The following ITIH1 variants were observed in gnomAD, a reference collection of about 807,000 sequenced individuals.
ITIH1 encodes the protein inter-alpha-trypsin inhibitor heavy chain 1.
ITIH1 carries 94 observed loss-of-function variants against 104.6 expected under a neutral mutation model. That is an observed-to-expected ratio of 0.90 (90% CI 0.76 to 1.07). The LOEUF (loss-of-function observed/expected upper bound fraction) is 1.07, where lower values mean the gene tolerates loss of function less well. Among genes scored for constraint, ITIH1 ranks in the 50% least tolerant of loss-of-function variants. The pLI is 0.00. For missense variants in ITIH1, 1,193 were observed against 1,181.4 expected, an observed-to-expected ratio of 1.01 and a Z score of -0.14; for synonymous variants, 455 against 464.4, an observed-to-expected ratio of 0.98 and a Z score of 0.26.
intron 6 of ITIH1, among the ~76,000 whole-genome samples, chr3:52,780,988 C>A (rs191481369): frequency 6.0e-4 from 92 of 152,318 alleles, no homozygotes; most frequent in Non-Finnish European, 9.4e-4. Flanking sequence ...AGAGCCTGCA[C>A]CACAATTCAT....
chr3:52,787,511 G>A, intron 15 of ITIH1, 81 bp from the exon 16 acceptor site: 2 of 1,552,698 alleles, frequency 1.3e-6, no homozygotes, highest in East Asian at 4.5e-5. Context: ...GCCCAGGCCT[G>A]TTGTGGACAG....
In ITIH1 at chr3:52,783,293, C is replaced by T; in HGVS notation, c.1179C>T (p.Asn393=). Reference sequence around the variant, plus strand: ...AGGAAAGCCTCCCAGAACTCAGCAACCATGCCTCAATACTCATCATGTTGA... The same window carrying T: ...AGGAAAGCCTCCCAGAACTCAGCAATCATGCCTCAATACTCATCATGTTGA... ...QVQESLPELS[N]HASILIMLTD... is the part of the protein sequence containing the mutation. Residue 393 remains asparagine (N), a synonymous_variant, in exon 10 of 22, where the codon AAC becomes AAT. Transcript: ENST00000273283. 1 of 1,614,136 alleles carries T rather than the reference C, an allele frequency of 6.2e-7. No homozygotes were observed. The highest frequency in any genetic ancestry group is 1.1e-5 in the South Asian group (1 of 91,074).
Position 52,779,339 on chromosome 3 carries a change from G to T in ITIH1, c.411-93G>T, listed in dbSNP as rs1698980756. Reference sequence around the variant, plus strand: ...ACCTGGGAGCAACACTCATCTAAGAGAAATAAATTCTGTGGGCCACATGTT... The same window carrying T: ...ACCTGGGAGCAACACTCATCTAAGATAAATAAATTCTGTGGGCCACATGTT... On this transcript the variant is annotated intron_variant, in intron 4 of 21. Transcript: ENST00000273283. This position sits in a 1 kb window ranked among gnomAD's most constrained non-coding sequence, Gnocchi z 4.4. 1.5e-6 allele frequency: 2 copies of T among 1,361,618 alleles called. No homozygotes were observed. The highest frequency in any genetic ancestry group is 2.1e-6 in the Non-Finnish European group (2 of 956,322). The allele number at this position is 1,361,618 out of a possible 1,614,324, so 84.3% of individuals were successfully genotyped here.
intron 6 of ITIH1, among the ~76,000 whole-genome samples, chr3:52,781,606 A>G (rs903961238): frequency 3.3e-5 from 5 of 152,006 alleles, no homozygotes; most frequent in Admixed American, 6.6e-5. Flanking sequence ...TTCTCACCAC[A>G]GTATTGTAGT....
chr3:52,791,502 A>G lies in ITIH1; in HGVS notation c.2495-15A>G, dbSNP rs753321099. Reference sequence around the variant, plus strand: ...CCCCGAGATGGTAACCGCTGTCTCCAATGTGCCTTTCTAGGGCAATTTTTC... The same window carrying G: ...CCCCGAGATGGTAACCGCTGTCTCCGATGTGCCTTTCTAGGGCAATTTTTC... On this transcript the variant is annotated splice_polypyrimidine_tract_variant and intron_variant, in intron 20 of 21. Coordinates refer to ENST00000273283, the MANE Select transcript of ITIH1 (RefSeq NM_002215.4). 1.7e-5 allele frequency: 27 copies of G among 1,605,612 alleles called. No individual in the cohort carries two copies. Among genetic ancestry groups the G allele is most frequent in the Non-Finnish European group, 2.2e-5 (26 of 1,172,630 alleles).
chr3:52,789,935 T>G, intron 19 of ITIH1, 81 bp downstream of exon 19: 2 of 1,404,432 alleles, frequency 1.4e-6, no homozygotes, highest in Non-Finnish European at 2.0e-6. Context: ...AGGGCCCTCG[T>G]CCCTGAGCCA....
chr3:52,779,271 T>A lies in ITIH1; in HGVS notation c.411-161T>A, dbSNP rs911052438. Among the ~76,000 whole-genome samples the A allele has an allele frequency of 6.6e-6, 1 of 152,226 alleles. No individual in the cohort carries two copies. The highest frequency in any genetic ancestry group is 2.4e-5 in the African/African-American group (1 of 41,468). Reference sequence around the variant, plus strand: ...AGTGGGCCCCCGCCATCTTGGGCCCTGACCCTGACCAGCCAGCTAACACAT... The same window carrying A: ...AGTGGGCCCCCGCCATCTTGGGCCCAGACCCTGACCAGCCAGCTAACACAT... On this transcript the variant is annotated intron_variant, in intron 4 of 21. Coordinates refer to ENST00000273283, the MANE Select transcript of ITIH1 (RefSeq NM_002215.4). The surrounding 1 kb of genome is among the most constrained non-coding windows in gnomAD (Gnocchi z 4.4).
rs753614767 is a variant in ITIH1, at chr3:52,779,683, A to G, written c.573+89A>G. On this transcript the variant is annotated intron_variant, in intron 5 of 21. Coordinates refer to ENST00000273283, the MANE Select transcript of ITIH1 (RefSeq NM_002215.4). This position sits in a 1 kb window ranked among gnomAD's most constrained non-coding sequence, Gnocchi z 4.4. ...GGTTGAGCACCCACCATGTGTCACC[A>G]CCCAGGCCTGAGAACACAGGGATGG... The G allele has an allele frequency of 1.9e-5, 28 of 1,479,392 alleles. No individual in the cohort carries two copies. The highest frequency in any genetic ancestry group is 2.3e-5 in the Non-Finnish European group (24 of 1,059,698). 91.6% of individuals were successfully genotyped at this position (1,479,392 alleles called of 1,614,324 possible).
chr3:52,777,829 C>G, intron 1 of ITIH1, 97 bp downstream of exon 1: 1 of 1,349,554 alleles, frequency 7.4e-7, no homozygotes, highest in South Asian at 1.2e-5. Flanking sequence ...CAGGGTCACC[C>G]CCACCACCTC....
chr3:52,788,393 C>T, intron 18 of ITIH1, 48 bp downstream of exon 18: 1 of 1,217,728 alleles, frequency 8.2e-7, no homozygotes, highest in African/African-American at 1.5e-5. Context: ...GGCTCCTCTG[C>T]CCTCAACATT....
chr3:52,788,562 C>CTTTTTTT (rs375504966), intron 18 of ITIH1, among the ~76,000 whole-genome samples: 1 of 139,624 alleles, frequency 7.2e-6, no homozygotes, highest in Non-Finnish European at 1.5e-5. Context: ...CACACAGGGG[C>CTTTTTTT]TTTTTTTTTT....
chr3:52,790,792 G>A lies in ITIH1; in HGVS notation c.2365G>A (p.Val789Met), dbSNP rs1559466656. 6.2e-6 allele frequency: 10 copies of A among 1,613,170 alleles called. No individual in the cohort carries two copies. In the East Asian group the frequency reaches 1.6e-4, roughly 25 times the overall value. Residue 789 changes from valine (V) to methionine (M), a missense_variant, in exon 20 of 22, where the codon GTG (valine) becomes ATG (methionine). By Grantham distance (21) the Val-to-Met change is conservative. Transcript: ENST00000273283. ...INKKRNLVVS[V>M]DDGGTFEVVL... ...CAAGAAGAGGAACCTGGTGGTGTCT[G>A]TGGACGACGGTGGCACCTTTGAGGT...
At chr3:52,790,942 A>C in intron 20 of ITIH1, 21 bp downstream of exon 20, 38 of 1,586,254 alleles carry the variant, frequency 2.4e-5, no homozygotes, top group Non-Finnish European at 3.2e-5. Flanking sequence ...CCAGGCTGGC[A>C]GGGCTGTGGG....
chr3:52,791,744 G>C, intron 21 of ITIH1, 38 bp from the exon 22 acceptor site: 3 of 1,606,960 alleles, frequency 1.9e-6, no homozygotes, highest in Non-Finnish European at 2.6e-6. Flanking sequence ...TGCCCTACTG[G>C]TCCGAAGGGT....
intron 3 of ITIH1, 186 bp from the exon 4 acceptor site, chr3:52,778,756 A>G: frequency 7.9e-7 from 1 of 1,273,474 alleles, no homozygotes; most frequent in Non-Finnish European, 1.1e-6. Context: ...CCAGAGTCTG[A>G]GGCTTCTTGC....
In ITIH1 at chr3:52,783,068, T is replaced by C. The variant is rs755401609; in HGVS notation, c.1042T>C (p.Ser348Pro). 2.1e-5 allele frequency: 34 copies of C among 1,614,034 alleles called. No individual in the cohort carries two copies. Among genetic ancestry groups the C allele is most frequent in the Non-Finnish European group, 2.7e-5 (32 of 1,180,000 alleles). Residue 348 changes from serine (S) to proline (P), a missense_variant, in exon 9 of 22, where the codon TCT becomes CCT. Ser to Pro is a moderately conservative substitution (Grantham distance 74, BLOSUM62 -1). Transcript: ENST00000273283. ...GTGGAAGGGCTCGCTGGTGCAAGCATCTGAGGCCAACCTACAAGCAGCTCA... is the reference window on the plus strand; with the variant it reads ...GTGGAAGGGCTCGCTGGTGCAAGCACCTGAGGCCAACCTACAAGCAGCTCA... ...QSWKGSLVQASEANLQAAQDF... is the reference protein window; with the variant it reads ...QSWKGSLVQAPEANLQAAQDF...
intron 18 of ITIH1, 77 bp downstream of exon 18, chr3:52,788,422 T>C (rs1699260646): frequency 2.0e-6 from 2 of 996,878 alleles, no homozygotes; most frequent in African/African-American, 1.6e-5. Context: ...AACAGGACTA[T>C]GGCCAAGGCC....
At chr3:52,781,581 C>T (rs1300383631) in intron 6 of ITIH1, among the ~76,000 whole-genome samples, 1 of 152,112 alleles carries the variant, frequency 6.6e-6, no homozygotes, top group Non-Finnish European at 1.5e-5. Context: ...CTTTGTCAAC[C>T]TGGGCAGCTT....
Position 52,786,427 on chromosome 3 carries a change from G to T in ITIH1, c.1726G>T (p.Ala576Ser). The change falls in exon 13 of 22, where the codon GCC becomes TCC. Residue 576 changes from alanine (A) to serine (S), a missense_variant. Ala to Ser is a moderately conservative substitution (Grantham distance 99). Coordinates refer to ENST00000273283, the MANE Select transcript of ITIH1 (RefSeq NM_002215.4). ...WAYLTIQELL[A>S]KRMKVDREER... ...CTACCTCACCATCCAGGAGCTGCTGGCCAAGCGGTAGGGCACCTGCAGCTG... is the reference window on the plus strand; with the variant it reads ...CTACCTCACCATCCAGGAGCTGCTGTCCAAGCGGTAGGGCACCTGCAGCTG... The T allele has an allele frequency of 6.3e-7, 1 of 1,581,604 alleles. No individual in the cohort carries two copies. The highest frequency in any genetic ancestry group is 2.3e-5 in the East Asian group (1 of 42,930).
Sources: gnomAD v4.1 joint callset for allele counts (sites outside exome capture counted in the v4.1 genomes callset) on GRCh38, gnomAD v4.1.1 for gene constraint, Gnocchi (gnomAD v3.1) non-coding constraint, MANE v1.5 for transcripts, NCBI Gene and HGNC (gene_info 2026-07-23, HGNC 2026-07-21) for gene names.